The following ERC2 variants were observed in gnomAD, a reference collection of about 807,000 sequenced individuals.
ERC2 encodes the protein ERC protein 2.
In ERC2, 42 loss-of-function variants were observed where a neutral mutation model predicts 114.8. That is an observed-to-expected ratio of 0.37 (90% CI 0.29 to 0.47). The LOEUF (loss-of-function observed/expected upper bound fraction) is 0.47, where lower values mean the gene tolerates loss of function less well. ERC2 is among the 20% of genes least tolerant of loss of function. The pLI is 0.99. For missense variants in ERC2, 939 were observed against 1,150.7 expected (o/e 0.82, Z 2.66); for synonymous variants, 454 against 425.5 (o/e 1.07, Z -0.82).
At chr3:56,138,997 C>A (rs1158939060) in intron 6 of ERC2, among the ~76,000 whole-genome samples, 6 of 152,138 alleles carry the variant, frequency 3.9e-5, no homozygotes, top group African/African-American at 1.4e-4. Context: ...TAAACAAGAA[C>A]CCTTTGGAAA....
intron 7 of ERC2, among the ~76,000 whole-genome samples, chr3:56,023,767 A>AATGGAAGGAAGGAAGG (rs1553777492): frequency 4.0e-5 from 2 of 49,586 alleles, no homozygotes; most frequent in African/African-American, 1.0e-4. Context: ...ATGAATGAAA[A>AATGGAAGGAAGGAAGG]AAGGAATGAA....
chr3:55,532,377 A>G (rs948855912), intron 17 of ERC2, among the ~76,000 whole-genome samples: 1 of 152,212 alleles, frequency 6.6e-6, no homozygotes, highest in Non-Finnish European at 1.5e-5. Flanking sequence ...AAACAACACC[A>G]GCAACAGGGA....
At chr3:56,339,904 G>T (rs2058018460) in intron 2 of ERC2, among the ~76,000 whole-genome samples, 1 of 152,262 alleles carries the variant, frequency 6.6e-6, no homozygotes, top group South Asian at 2.1e-4. Context: ...CAGCCTCCGG[G>T]CTCATCTGCA....
intron 17 of ERC2, among the ~76,000 whole-genome samples, chr3:55,623,942 A>G (rs2059414606): frequency 6.6e-6 from 1 of 152,224 alleles, no homozygotes; most frequent in Non-Finnish European, 1.5e-5. Flanking sequence ...AGCATTTTGC[A>G]TTTCTAACAG....
intron 17 of ERC2, among the ~76,000 whole-genome samples, chr3:55,678,646 A>G (rs547177839): frequency 1.3e-5 from 2 of 152,336 alleles, no homozygotes; most frequent in African/African-American, 2.4e-5. Context: ...CATTACTGCA[A>G]TAAGAGGCCA....
At chr3:55,870,141 C>T (rs556135242) in intron 14 of ERC2, among the ~76,000 whole-genome samples, 41 of 151,984 alleles carry the variant, frequency 2.7e-4, no homozygotes, top group African/African-American at 9.4e-4. Context: ...GTGGTATGAT[C>T]TCAGCTCACT....
At chr3:55,588,784 T>C (rs72871607) in intron 17 of ERC2, among the ~76,000 whole-genome samples, 9,047 of 152,218 alleles carry the variant, frequency 0.059, 803 homozygotes, top group African/African-American at 0.19. Context: ...GGCGCTTGAC[T>C]GGATCTGGGC....
At chr3:55,856,555 C>T (rs2061794298) in intron 14 of ERC2, among the ~76,000 whole-genome samples, 1 of 152,100 alleles carries the variant, frequency 6.6e-6, no homozygotes, top group African/African-American at 2.4e-5. Context: ...TGTATAAAGA[C>T]ACACATGTAT....
intron 3 of ERC2, among the ~76,000 whole-genome samples, chr3:56,260,194 C>T (rs192761246): frequency 1.5e-3 from 230 of 152,244 alleles, no homozygotes; most frequent in Non-Finnish European, 1.7e-3. Flanking sequence ...GGTCTGCAAG[C>T]GGGGAAAGCA....
chr3:56,243,803 T>C (rs1257843107), intron 3 of ERC2, among the ~76,000 whole-genome samples: 2 of 152,192 alleles, frequency 1.3e-5, no homozygotes, highest in African/African-American at 2.4e-5. Context: ...CAAATGTTTA[T>C]TGAGTGCCTA....
At chr3:55,605,058 T>G (rs1201708464) in intron 17 of ERC2, among the ~76,000 whole-genome samples, 1 of 152,218 alleles carries the variant, frequency 6.6e-6, no homozygotes, top group Non-Finnish European at 1.5e-5. Flanking sequence ...AGAACCTGTT[T>G]AAATCTGTTT....
chr3:56,384,406 G>A (rs927150851), intron 2 of ERC2, among the ~76,000 whole-genome samples: 1 of 152,056 alleles, frequency 6.6e-6, no homozygotes, highest in African/African-American at 2.4e-5. Flanking sequence ...TGGGTATAAA[G>A]TAGTATCTTA....
intron 13 of ERC2, among the ~76,000 whole-genome samples, chr3:55,896,141 C>T (rs556715910): frequency 1.3e-5 from 2 of 152,224 alleles, no homozygotes; most frequent in Non-Finnish European, 2.9e-5. Context: ...CACCACCTCG[C>T]TAGGCATCTC....
intron 7 of ERC2, among the ~76,000 whole-genome samples, chr3:56,076,122 C>G (rs543544185): frequency 1.3e-5 from 2 of 152,262 alleles, no homozygotes; most frequent in Admixed American, 6.5e-5. Flanking sequence ...GGGCAATCCA[C>G]AAAGTTCAGT....
intron 16 of ERC2, among the ~76,000 whole-genome samples, chr3:55,698,350 C>T (rs910332601): frequency 4.6e-5 from 7 of 152,070 alleles, no homozygotes; most frequent in Non-Finnish European, 8.8e-5. Flanking sequence ...ACTTGTACTC[C>T]AGGTAAAACA....
At chr3:55,915,975 T>C (rs1169906076) in intron 13 of ERC2, among the ~76,000 whole-genome samples, 1 of 152,166 alleles carries the variant, frequency 6.6e-6, no homozygotes, top group African/African-American at 2.4e-5. Flanking sequence ...ATTTTCAAAA[T>C]AGAACATGCA....
intron 13 of ERC2, among the ~76,000 whole-genome samples, chr3:55,950,082 A>G (rs1043104803): frequency 2.0e-5 from 3 of 152,228 alleles, no homozygotes; most frequent in Non-Finnish European, 2.9e-5. Flanking sequence ...GCCTTCTTCT[A>G]TTCCCAAAAC....
intron 2 of ERC2, among the ~76,000 whole-genome samples, chr3:56,320,749 T>C (rs2057090666): frequency 6.6e-6 from 1 of 152,138 alleles, no homozygotes; most frequent in African/African-American, 2.4e-5. Flanking sequence ...TCTAAATAAG[T>C]ACTTATGCAT....
intron 3 of ERC2, among the ~76,000 whole-genome samples, chr3:56,213,124 T>C (rs530812691): frequency 1.3e-5 from 2 of 152,244 alleles, no homozygotes; most frequent in Admixed American, 1.3e-4. Flanking sequence ...CATTTCCAAC[T>C]GAGGTACCGG....
Sources: gnomAD v4.1 joint callset for allele counts (sites outside exome capture counted in the v4.1 genomes callset) on GRCh38, gnomAD v4.1.1 for gene constraint, MANE v1.5 for transcripts, NCBI Gene and HGNC (gene_info 2026-07-23, HGNC 2026-07-21) for gene names.